Variants in RAB3GAP2 observed in about 807,000 individuals in gnomAD.
RAB3GAP2 encodes rab3 GTPase-activating protein non-catalytic subunit.
Under a neutral mutation model 185.3 loss-of-function variants are expected in RAB3GAP2, and 87 were observed. The observed-to-expected ratio is 0.47, with a 90% CI of 0.39 to 0.56. The LOEUF is 0.56. Among genes scored for constraint, RAB3GAP2 ranks in the 20% least tolerant of loss-of-function variants. RAB3GAP2 has a pLI of 0.00. For missense variants in RAB3GAP2, 1,492 were observed against 1,638.2 expected, an observed-to-expected ratio of 0.91 and a Z score of 1.54; for synonymous variants, 554 against 576.1, an observed-to-expected ratio of 0.96 and a Z score of 0.55.
Position 220,190,078 on chromosome 1 carries a change from TTTG to T in RAB3GAP2, c.1697_1699del (p.Thr566del). 1 of 1,611,942 alleles carries T rather than the reference TTTG, an allele frequency of 6.2e-7. No homozygotes were observed. On this transcript the variant is annotated inframe_deletion, in exon 16 of 35. Transcript: ENST00000358951. ...AGAATACCTACCAAGATTGGGAGAT[TTTG>T]TTTTCAGTAAGGCTGCTAGTTTCTT... is the stretch of plus-strand genomic sequence containing the variant.
At chr1:220,271,145 G>GAA (rs1413693595) in intron 1 of RAB3GAP2, 1 of 152,192 alleles carries the variant, frequency 6.6e-6, no homozygotes, top group East Asian at 1.9e-4. Context: ...TCCTACAGCA[G>GAA]GGTCCACCAA....
At position 220,191,115 on chromosome 1, in the gene RAB3GAP2, T is replaced by C; in HGVS notation, c.1440A>G (p.Thr480=). The change falls in exon 14 of 35, where the codon ACA becomes ACG. Residue 480 remains threonine (T), a synonymous_variant. Transcript: ENST00000358951. Reference sequence around the variant, plus strand: ...AAGCTCCTACTCTAGGTCCCTGCTGTGTGCTCCACACTTCTAAAATTCCCC... The same window carrying C: ...AAGCTCCTACTCTAGGTCCCTGCTGCGTGCTCCACACTTCTAAAATTCCCC... ...PRRGILEVWS[T]QQGPRVGAFN... 6.2e-7 allele frequency: 1 copy of C among 1,614,094 alleles called. No individual in the cohort carries two copies. Among genetic ancestry groups the C allele is most frequent in the Non-Finnish European group, 8.5e-7 (1 of 1,179,982 alleles).
intron 2 of RAB3GAP2, among the ~76,000 whole-genome samples, chr1:220,221,442 A>G (rs181944711): frequency 6.7e-4 from 102 of 152,332 alleles, no homozygotes; most frequent in Non-Finnish European, 1.4e-3. Context: ...ATCATGTTGG[A>G]CTGAGCTAAT....
At position 220,195,092 on chromosome 1, in the gene RAB3GAP2, G is replaced by T. The variant is rs1031259112; in HGVS notation, c.1116C>A (p.Thr372=). Residue 372 remains threonine (T), a synonymous_variant, in exon 12 of 35, where the codon ACC becomes ACA. Transcript: ENST00000358951. ...QKQKPKVEPA[T]PLAVRFGLPD... Reference sequence around the variant, plus strand: ...GACAGACTTGCCTTACAGCTAATGGGGTAGCTGGCTCAACCTTCGGCTTTT... The same window carrying T: ...GACAGACTTGCCTTACAGCTAATGGTGTAGCTGGCTCAACCTTCGGCTTTT... 6.2e-7 allele frequency: 1 copy of T among 1,614,034 alleles called. No individual in the cohort carries two copies. Among genetic ancestry groups the T allele is most frequent in the Non-Finnish European group, 8.5e-7 (1 of 1,179,950 alleles).
chr1:220,257,883 A>T (rs1341225712), intron 1 of RAB3GAP2, among the ~76,000 whole-genome samples: 1 of 152,178 alleles, frequency 6.6e-6, no homozygotes, highest in Non-Finnish European at 1.5e-5. Flanking sequence ...ACAATATGAA[A>T]TGATAAGGGG....
chr1:220,245,210 T>C (rs962869113), intron 1 of RAB3GAP2, among the ~76,000 whole-genome samples: 2 of 151,960 alleles, frequency 1.3e-5, no homozygotes, highest in Non-Finnish European at 1.5e-5. Flanking sequence ...GCTCCCAGCA[T>C]GAGTGACACA....
chr1:220,223,872 C>T (rs1659354235), intron 2 of RAB3GAP2, among the ~76,000 whole-genome samples: 1 of 151,252 alleles, frequency 6.6e-6, no homozygotes. Flanking sequence ...AAAATCCAGC[C>T]TGGGCAACAT....
chr1:220,157,655 C>T (rs1416417484), intron 30 of RAB3GAP2, 147 bp downstream of exon 30: 11 of 1,017,316 alleles, frequency 1.1e-5, no homozygotes, highest in Non-Finnish European at 1.6e-5. Flanking sequence ...AATAAGAAAA[C>T]ATCACTACCT....
chr1:220,201,559 G>A (rs1658858747), intron 9 of RAB3GAP2, among the ~76,000 whole-genome samples: 1 of 152,062 alleles, frequency 6.6e-6, no homozygotes, highest in African/African-American at 2.4e-5. Context: ...GAGTGCAGTG[G>A]CGTGATCTTG....
chr1:220,152,858 CTTTA>C (rs1202483811), intron 33 of RAB3GAP2, among the ~76,000 whole-genome samples: 1 of 152,100 alleles, frequency 6.6e-6, no homozygotes, highest in Non-Finnish European at 1.5e-5. Flanking sequence ...ACCCGGCCCT[CTTTA>C]TTTTCTTCAT....
chr1:220,256,889 CA>C (rs1660040786), intron 1 of RAB3GAP2, among the ~76,000 whole-genome samples: 2 of 152,180 alleles, frequency 1.3e-5, no homozygotes, highest in Admixed American at 1.3e-4. Context: ...AGCTCTAAAA[CA>C]AGTGGACTTG....
In RAB3GAP2 at chr1:220,171,246, T is replaced by A. The variant is rs1433484230; in HGVS notation, c.2578-126A>T. 3.6e-6 allele frequency: 3 copies of A among 842,980 alleles called. No individual in the cohort carries two copies. In the Admixed American group the frequency reaches 6.0e-5, roughly 17 times the overall value. 52.2% of individuals were successfully genotyped at this position (842,980 alleles called of 1,614,324 possible). On this transcript the variant is annotated intron_variant, in intron 23 of 34. Transcript: ENST00000358951. ...CACAAAGCAACACATACATGCTATT[T>A]CACAAATATTACTACTTGGCTGGAT...
chr1:220,243,108 A>G (rs1341078530), intron 1 of RAB3GAP2, among the ~76,000 whole-genome samples: 1 of 152,154 alleles, frequency 6.6e-6, no homozygotes, highest in East Asian at 1.9e-4. Flanking sequence ...TAATCCCAGC[A>G]CTTTGGGAGG....
intron 1 of RAB3GAP2, among the ~76,000 whole-genome samples, chr1:220,269,726 A>G (rs948353479): frequency 2.0e-5 from 3 of 152,224 alleles, no homozygotes; most frequent in African/African-American, 7.2e-5. Flanking sequence ...CATCTCAAAA[A>G]AAAAGGCAAT....
chr1:220,247,373 A>C (rs911837361), intron 1 of RAB3GAP2, among the ~76,000 whole-genome samples: 1 of 152,226 alleles, frequency 6.6e-6, no homozygotes, highest in African/African-American at 2.4e-5. Context: ...TCAACCAACA[A>C]GTGTATAAAG....
Position 220,167,381 on chromosome 1 carries a change from T to C in RAB3GAP2, c.2999A>G (p.Tyr1000Cys), listed in dbSNP as rs1658088715. Residue 1000 changes from tyrosine (Y) to cysteine (C), a missense_variant, in exon 26 of 35, where the codon TAT (tyrosine) becomes TGT (cysteine). This residue lies in a region of RAB3GAP2 where 4 missense variants were observed against 18.5 expected (regional missense o/e 0.22). Transcript: ENST00000358951. ...CTCAAGGCTACAAGGAAACTGCTCA[T>C]AGGCTAAATGCAGTAAGTCTGAAAG... ...GAIPDLLHLA[Y>C]EQFPCSLELD... 5.0e-6 allele frequency: 8 copies of C among 1,614,048 alleles called. No homozygotes were observed. The highest frequency in any genetic ancestry group is 1.3e-5 in the African/African-American group (1 of 74,944).
intron 17 of RAB3GAP2, among the ~76,000 whole-genome samples, chr1:220,186,423 A>G (rs1485409949): frequency 1.3e-5 from 2 of 152,228 alleles, no homozygotes; most frequent in African/African-American, 2.4e-5. Flanking sequence ...ATATCCGATC[A>G]TAACACAATA....
At chr1:220,198,093 C>T (rs1658763885) in intron 9 of RAB3GAP2, among the ~76,000 whole-genome samples, 1 of 152,078 alleles carries the variant, frequency 6.6e-6, no homozygotes, top group Admixed American at 6.5e-5. Context: ...CTTCCCTTTC[C>T]ATCCAGCTTA....
Position 220,202,319 on chromosome 1 carries a change from C to A in RAB3GAP2, c.768G>T (p.Trp256Cys). Residue 256 changes from tryptophan to cysteine, a missense_variant, in exon 9 of 35, where the codon TGG (tryptophan) becomes TGT (cysteine). Trp to Cys is a radical substitution (Grantham distance 215). This residue lies in a region of RAB3GAP2 where 243 missense variants were observed against 314.8 expected (regional missense o/e 0.77). Transcript: ENST00000358951. The stretch of plus-strand genomic sequence containing the variant: ...TAATAGTGTCAATATCTTGTAGACC[C>A]CATTTCTTATAAGCTAATGGTGGTG... ...IQPPPLAYKK[W>C]GLQDIDTIID... 1.2e-6 allele frequency: 2 copies of A among 1,613,734 alleles called. No homozygotes were observed. Among genetic ancestry groups the A allele is most frequent in the Non-Finnish European group, 1.7e-6 (2 of 1,179,882 alleles).
Sources: allele counts gnomAD v4.1 joint callset (sites outside exome capture counted in the v4.1 genomes callset), GRCh38; gene constraint gnomAD v4.1.1; regional missense constraint gnomAD v4.1.1; transcripts MANE v1.5; gene names NCBI Gene and HGNC (gene_info 2026-07-23, HGNC 2026-07-21).